Variants in KCNIP4 observed in about 807,000 individuals in gnomAD.
KCNIP4 encodes the protein Kv channel-interacting protein 4.
Under a neutral mutation model 34.0 loss-of-function variants are expected in KCNIP4, and 12 were observed. The observed-to-expected ratio is 0.35, with a 90% confidence interval of 0.23 to 0.57. The LOEUF is 0.57. Among genes scored for constraint, KCNIP4 ranks in the 20% least tolerant of loss-of-function variants. KCNIP4 has a pLI of 0.83. For missense variants in KCNIP4, 238 were observed against 311.7 expected, an observed-to-expected ratio of 0.76 and a Z score of 1.78; for synonymous variants, 124 against 102.2, an observed-to-expected ratio of 1.21 and a Z score of -1.29.
intron 1 of KCNIP4, among the ~76,000 whole-genome samples, chr4:21,452,419 TG>T (rs34189364): frequency 0.4 from 61,039 of 151,578 alleles, 12,885 homozygotes; most frequent in African/African-American, 0.46. Context: ...CACTGCTCAG[TG>T]GGTTGGGGGC....
chr4:21,109,198 C>T (rs1436720296), intron 1 of KCNIP4, among the ~76,000 whole-genome samples: 1 of 152,150 alleles, frequency 6.6e-6, no homozygotes, highest in South Asian at 2.1e-4. Flanking sequence ...TGCCCTGCCC[C>T]CAGAGGTGGA....
chr4:20,752,408 T>C (rs1228119653), intron 4 of KCNIP4, among the ~76,000 whole-genome samples: 2 of 152,218 alleles, frequency 1.3e-5, no homozygotes, highest in Non-Finnish European at 2.9e-5. Context: ...GCAAAGTGTT[T>C]AGAAATAATC....
intron 1 of KCNIP4, among the ~76,000 whole-genome samples, chr4:20,947,344 C>A (rs1577413685): frequency 1.3e-5 from 2 of 151,850 alleles, no homozygotes; most frequent in South Asian, 4.2e-4. Flanking sequence ...AATTTTTGTA[C>A]TTTTAGTAGA....
At chr4:21,263,565 G>A (rs1761605348) in intron 1 of KCNIP4, among the ~76,000 whole-genome samples, 1 of 152,206 alleles carries the variant, frequency 6.6e-6, no homozygotes, top group Non-Finnish European at 1.5e-5. Context: ...GCTCCAGCTG[G>A]CCTTGACCTT....
At chr4:21,453,465 A>ATC (rs978580169) in intron 1 of KCNIP4, among the ~76,000 whole-genome samples, 37 of 152,154 alleles carry the variant, frequency 2.4e-4, no homozygotes, top group Middle Eastern at 3.4e-3. Flanking sequence ...GAACTAAATG[A>ATC]TCAGCAGAAC....
intron 1 of KCNIP4, among the ~76,000 whole-genome samples, chr4:21,525,280 G>A (rs1349717752): frequency 6.6e-6 from 1 of 152,052 alleles, no homozygotes; most frequent in Admixed American, 6.6e-5. Context: ...ACTTCTAGGA[G>A]GCAATAGTCC....
chr4:20,987,048 G>A (rs1009358115), intron 1 of KCNIP4, among the ~76,000 whole-genome samples: 14 of 152,144 alleles, frequency 9.2e-5, no homozygotes, highest in Non-Finnish European at 2.1e-4. Context: ...CACCATAAGA[G>A]GAGTTTCCTG....
intron 1 of KCNIP4, among the ~76,000 whole-genome samples, chr4:21,033,193 G>A (rs778018319): frequency 4.6e-5 from 7 of 152,142 alleles, no homozygotes; most frequent in Non-Finnish European, 8.8e-5. Flanking sequence ...AGTAGGCTTT[G>A]ACCCATTCCA....
At chr4:21,135,757 C>T (rs1751451826) in intron 1 of KCNIP4, among the ~76,000 whole-genome samples, 1 of 152,170 alleles carries the variant, frequency 6.6e-6, no homozygotes, top group East Asian at 1.9e-4. Context: ...GGCTCGAAAG[C>T]CTAACACACA....
chr4:21,528,778 AGGAAGAAAGGAAGAAAGGAAGAAAGGAAG>A (rs1736349688), intron 1 of KCNIP4, among the ~76,000 whole-genome samples: 1 of 16,432 alleles, frequency 6.1e-5, no homozygotes, highest in African/African-American at 2.4e-4. Context: ...AAAGAAAGAA[AGGAAGAAAGGAAGAAAGGAAGAAAGGAAG>A]GAAGGAAGGA....
chr4:21,913,334 G>T (rs893211941), intron 1 of KCNIP4, among the ~76,000 whole-genome samples: 1 of 150,516 alleles, frequency 6.6e-6, no homozygotes, highest in Non-Finnish European at 1.5e-5. Flanking sequence ...GTGAGACCTT[G>T]ATTTGTATTT....
intron 1 of KCNIP4, among the ~76,000 whole-genome samples, chr4:21,182,981 G>T (rs1560788858): frequency 6.6e-6 from 1 of 151,968 alleles, no homozygotes; most frequent in Non-Finnish European, 1.5e-5. Context: ...ATGAAAATTT[G>T]TATCCTTTCA....
At chr4:21,802,982 A>G (rs766657903) in intron 1 of KCNIP4, among the ~76,000 whole-genome samples, 1 of 152,102 alleles carries the variant, frequency 6.6e-6, no homozygotes, top group African/African-American at 2.4e-5. Flanking sequence ...AAATTTCCTT[A>G]TATCAATTCC....
intron 1 of KCNIP4, among the ~76,000 whole-genome samples, chr4:21,809,005 T>C (rs1171732950): frequency 6.6e-6 from 1 of 152,198 alleles, no homozygotes; most frequent in Non-Finnish European, 1.5e-5. Flanking sequence ...CCATGATAAA[T>C]TGCTCTGGAT....
intron 1 of KCNIP4, among the ~76,000 whole-genome samples, chr4:21,797,818 A>C (rs1424697986): frequency 2.0e-5 from 3 of 152,174 alleles, no homozygotes; most frequent in Admixed American, 1.3e-4. Context: ...TAGTTAACAA[A>C]AATGGTTTGA....
chr4:20,871,282 T>C (rs1446222983), intron 2 of KCNIP4, among the ~76,000 whole-genome samples: 1 of 152,030 alleles, frequency 6.6e-6, no homozygotes, highest in Non-Finnish European at 1.5e-5. Context: ...CAATGTCAAG[T>C]GGCTGGATGG....
intron 3 of KCNIP4, among the ~76,000 whole-genome samples, chr4:20,790,410 T>G (rs1712583973): frequency 1.3e-5 from 2 of 152,188 alleles, no homozygotes; most frequent in Admixed American, 6.5e-5. Context: ...AAATTTAACT[T>G]TAGGTTACTG....
At chr4:20,858,211 CAAAAAAAAA>C (rs778798968) in intron 2 of KCNIP4, among the ~76,000 whole-genome samples, 16 of 70,738 alleles carry the variant, frequency 2.3e-4, no homozygotes, top group Admixed American at 3.7e-4. Flanking sequence ...AACTCCATCT[CAAAAAAAAA>C]AAAAAAAAAA....
chr4:20,962,769 C>T (rs986037552), intron 1 of KCNIP4, among the ~76,000 whole-genome samples: 4 of 152,040 alleles, frequency 2.6e-5, no homozygotes, highest in African/African-American at 4.8e-5. Context: ...TATAGATGAG[C>T]GATAACAGGA....
Sources: allele counts gnomAD v4.1 joint callset (sites outside exome capture counted in the v4.1 genomes callset), GRCh38; gene constraint gnomAD v4.1.1; transcripts MANE v1.5; gene names NCBI Gene and HGNC (gene_info 2026-07-23, HGNC 2026-07-21).